The following ARGLU1 variants were observed in gnomAD, a reference collection of about 807,000 sequenced individuals.
The protein encoded by ARGLU1 is arginine and glutamate rich 1, also known as arginine and glutamate-rich protein 1.
In ARGLU1, 9 loss-of-function variants were observed where a neutral mutation model predicts 37.6. That is an observed-to-expected ratio of 0.24 (90% confidence interval 0.14 to 0.42). The LOEUF is 0.42. Among genes scored for constraint, ARGLU1 ranks in the 10% least tolerant of loss-of-function variants. ARGLU1 has a pLI of 1.00. For synonymous variants in ARGLU1, 166 were observed against 138.5 expected, an observed-to-expected ratio of 1.20 and a Z score of -1.39; for missense variants, 211 against 359.2, an observed-to-expected ratio of 0.59 and a Z score of 3.34.
chr13:106,546,282 A>G (rs1405862560), intron 3 of ARGLU1, among the ~76,000 whole-genome samples: 23 of 152,200 alleles, frequency 1.5e-4, no homozygotes, highest in Admixed American at 1.4e-3. Context: ...CAAATTGCCA[A>G]TGATATCCAC....
chr13:106,549,231 T>G (rs1442596959), intron 3 of ARGLU1, among the ~76,000 whole-genome samples: 2 of 152,216 alleles, frequency 1.3e-5, no homozygotes, highest in Admixed American at 1.3e-4. Context: ...TATAAAATTT[T>G]AAAAATCCAT....
At chr13:106,547,065 G>A (rs960158765) in intron 3 of ARGLU1, among the ~76,000 whole-genome samples, 3 of 152,152 alleles carry the variant, frequency 2.0e-5, no homozygotes, top group African/African-American at 7.2e-5. Flanking sequence ...CTGATAAAAA[G>A]ACGAGTCTGG....
Position 106,567,604 on chromosome 13 carries a change from TCTC to T in ARGLU1, c.313_315del (p.Glu105del), listed in dbSNP as rs906255683. 7 of 1,612,944 alleles carry T rather than the reference TCTC, an allele frequency of 4.3e-6. No individual in the cohort carries two copies. The highest frequency in any genetic ancestry group is 5.1e-6 in the Non-Finnish European group (6 of 1,179,382). ...CGCTGCCGCTCGAACTCCGCTTTCTTCTCCTCCTCCTCTCGCTTCTGCTTCTCG... is the reference window on the plus strand; with the variant it reads ...CGCTGCCGCTCGAACTCCGCTTTCTTCTCCTCCTCTCGCTTCTGCTTCTCG... On this transcript the variant is annotated inframe_deletion, in exon 1 of 4. Transcript: ENST00000400198. This position sits in a 1 kb window ranked among gnomAD's most constrained non-coding sequence, Gnocchi z 4.3.
At chr13:106,544,217 C>CCCT in intron 3 of ARGLU1, 57 bp from the exon 4 acceptor site, 1 of 1,418,648 alleles carries the variant, frequency 7.0e-7, no homozygotes, top group Non-Finnish European at 9.3e-7. Flanking sequence ...ATCATATGTA[C>CCCT]CCCTGCAACA....
At chr13:106,548,275 G>C (rs1411567917) in intron 3 of ARGLU1, among the ~76,000 whole-genome samples, 1 of 152,088 alleles carries the variant, frequency 6.6e-6, no homozygotes, top group Admixed American at 6.5e-5. Context: ...TCCACCACTT[G>C]TAAGTGTGGT....
Position 106,567,725 on chromosome 13 carries a change from C to T in ARGLU1, c.195G>A (p.Val65=). ...RSRSRSTNTA[V]SRRERDRERA... is the part of the protein sequence containing the mutation. ...GCTCCCGGTCCCGCTCGCGCCGGGA[C>T]ACGGCCGTGTTGGTGGAGCGCGAAC... The change falls in exon 1 of 4, where the codon GTG becomes GTA. Residue 65 remains valine, a synonymous_variant. Transcript: ENST00000400198. The surrounding 1 kb of genome is among the most constrained non-coding windows in gnomAD (Gnocchi z 4.3). 2 of 1,612,310 alleles carry T rather than the reference C, an allele frequency of 1.2e-6. No homozygotes were observed. Among genetic ancestry groups the T allele is most frequent in the Non-Finnish European group, 1.7e-6 (2 of 1,179,240 alleles).
intron 1 of ARGLU1, among the ~76,000 whole-genome samples, chr13:106,562,147 G>A (rs1161454092): frequency 2.0e-5 from 3 of 152,172 alleles, no homozygotes; most frequent in Non-Finnish European, 4.4e-5. Context: ...AGGGTTCAGG[G>A]TACCACAGCA....
At chr13:106,560,484 C>CCAG (rs1880766991) in intron 1 of ARGLU1, among the ~76,000 whole-genome samples, 3 of 152,074 alleles carry the variant, frequency 2.0e-5, no homozygotes, top group African/African-American at 7.2e-5. Context: ...GTGACAGCCA[C>CCAG]CAGTCATATG....
chr13:106,565,490 G>A (rs1566476345), intron 1 of ARGLU1, among the ~76,000 whole-genome samples: 2 of 152,042 alleles, frequency 1.3e-5, no homozygotes, highest in East Asian at 3.9e-4. Flanking sequence ...ATCTGTCTTT[G>A]AGCTAGATCA....
At chr13:106,551,812 T>C (rs1195850984) in intron 3 of ARGLU1, among the ~76,000 whole-genome samples, 1 of 152,106 alleles carries the variant, frequency 6.6e-6, no homozygotes, top group Non-Finnish European at 1.5e-5. Context: ...TCCAAATCTC[T>C]CTCCTCTGTC....
chr13:106,561,932 T>C (rs182806686), intron 1 of ARGLU1: 1 of 152,396 alleles, frequency 6.6e-6, no homozygotes, highest in Admixed American at 6.5e-5. Flanking sequence ...GGCCGTGGGC[T>C]GCTCCGCTGC....
At chr13:106,555,535 C>T (rs1880641380) in intron 3 of ARGLU1, among the ~76,000 whole-genome samples, 1 of 152,100 alleles carries the variant, frequency 6.6e-6, no homozygotes, top group African/African-American at 2.4e-5. Flanking sequence ...AGCAATATGA[C>T]CTCATTTTTC....
Position 106,544,108 on chromosome 13 carries a change from CT to C in ARGLU1, c.709del (p.Arg237GlyfsTer2). The C allele has an allele frequency of 6.2e-7, 1 of 1,602,894 alleles. No homozygotes were observed. On this transcript the variant is annotated frameshift_variant, in exon 4 of 4. Coordinates refer to ENST00000400198, the MANE Select transcript of ARGLU1 (RefSeq NM_018011.4). LOFTEE classifies it high-confidence loss of function. ...TTGTCGTTCTTGTTCTAGTTTCATC[CT>C]TTCCTCATGAATCTTTCTTTGTTCT... is the stretch of plus-strand genomic sequence containing the variant. ...VEEQRKIHEE[R>X]MKLEQERQRQ...
In ARGLU1 at chr13:106,558,800, T is replaced by C. The variant is rs181726767; in HGVS notation, c.573+632A>G. Reference sequence around the variant, plus strand: ...GTTAGTAGATACTAAAAAAAGTGGATGAATAATCTGGATATTTTTCCTAAA... The same window carrying C: ...GTTAGTAGATACTAAAAAAAGTGGACGAATAATCTGGATATTTTTCCTAAA... On this transcript the variant is annotated intron_variant, in intron 2 of 3. Transcript: ENST00000400198. The C allele has an allele frequency of 6.9e-5, 68 of 985,322 alleles. 1 individual carries two copies. The Admixed American group carries it at 2.1e-3, about 30-fold the overall frequency. The allele number at this position is 985,322 out of a possible 1,614,324, so 61.0% of individuals were successfully genotyped here. A position where few individuals can be genotyped will look rare whatever the true frequency, so the allele number is the denominator to read the frequency against.
At chr13:106,566,794 A>C (rs1880975963) in intron 1 of ARGLU1, among the ~76,000 whole-genome samples, 1 of 152,220 alleles carries the variant, frequency 6.6e-6, no homozygotes, top group Non-Finnish European at 1.5e-5. Context: ...GAAGAAGCAC[A>C]GTGTAAGGGA....
At chr13:106,563,293 G>C (rs1476442026) in intron 1 of ARGLU1, among the ~76,000 whole-genome samples, 1 of 152,034 alleles carries the variant, frequency 6.6e-6, no homozygotes, top group Non-Finnish European at 1.5e-5. Context: ...CTATGCAGTG[G>C]GTATGTATCC....
At chr13:106,564,259 G>A (rs1880896334) in intron 1 of ARGLU1, among the ~76,000 whole-genome samples, 1 of 152,176 alleles carries the variant, frequency 6.6e-6, no homozygotes, top group Non-Finnish European at 1.5e-5. Context: ...ATGTAAGTTA[G>A]TTACATTAAA....
intron 3 of ARGLU1, among the ~76,000 whole-genome samples, chr13:106,551,860 A>G (rs1880538917): frequency 6.6e-6 from 1 of 152,152 alleles, no homozygotes. Flanking sequence ...GCTATATGCT[A>G]AAATTTCCCT....
chr13:106,547,640 T>C (rs1880427513), intron 3 of ARGLU1, among the ~76,000 whole-genome samples: 1 of 152,228 alleles, frequency 6.6e-6, no homozygotes, highest in African/African-American at 2.4e-5. Flanking sequence ...ACATGCTACT[T>C]TTGTGCAATA....
Sources: allele counts gnomAD v4.1 joint callset (sites outside exome capture counted in the v4.1 genomes callset), GRCh38; gene constraint gnomAD v4.1.1; non-coding constraint Gnocchi (gnomAD v3.1); transcripts MANE v1.5; gene names NCBI Gene and HGNC (gene_info 2026-07-23, HGNC 2026-07-21).